The following TAFA5 variants were observed in gnomAD, a reference collection of about 807,000 sequenced individuals.
The protein encoded by TAFA5 is chemokine-like protein TAFA-5.
Under a neutral mutation model 15.3 loss-of-function variants are expected in TAFA5, and 6 were observed. That is an observed-to-expected ratio of 0.39 (90% CI 0.21 to 0.77). The LOEUF (loss-of-function observed/expected upper bound fraction) is 0.77. Among genes scored for constraint, TAFA5 ranks in the 30% least tolerant of loss-of-function variants. The probability of loss-of-function intolerance (pLI) is 0.41; values close to 1 mark genes in which losing one functional copy is unlikely to be tolerated. For missense variants in TAFA5, 161 were observed against 193.1 expected, an observed-to-expected ratio of 0.83 and a Z score of 0.98; for synonymous variants, 103 against 80.7, an observed-to-expected ratio of 1.28 and a Z score of -1.48.
intron 3 of TAFA5, among the ~76,000 whole-genome samples, chr22:48,739,716 G>A (rs1297134830): frequency 6.6e-6 from 1 of 152,174 alleles, no homozygotes; most frequent in African/African-American, 2.4e-5. Flanking sequence ...CAGATCTGGG[G>A]AGGAGCATGT....
At chr22:48,691,243 T>C (rs1417468957) in intron 2 of TAFA5, among the ~76,000 whole-genome samples, 7 of 152,146 alleles carry the variant, frequency 4.6e-5, no homozygotes, top group Non-Finnish European at 1.0e-4. Context: ...CCTTCCCTTG[T>C]TTGCCAAGTA....
chr22:48,751,142 A>G lies in TAFA5; in HGVS notation c.*1295A>G, dbSNP rs771173127. 2 of 152,302 alleles carry G rather than the reference A, an allele frequency of 1.3e-5. No individual in the cohort carries two copies. Among genetic ancestry groups the G allele is most frequent in the African/African-American group, 4.8e-5 (2 of 41,470 alleles). 9.4% of individuals were successfully genotyped at this position (152,302 alleles called of 1,614,324 possible). ...CCCTCTCTGGTCCCTGTATTGGTCA[A>G]CACTTGAGCGTACAATATCTTGAAC... On this transcript the variant is annotated 3_prime_UTR_variant, in exon 4 of 4. Coordinates refer to ENST00000402357, the MANE Select transcript of TAFA5 (RefSeq NM_001082967.3).
intron 2 of TAFA5, among the ~76,000 whole-genome samples, chr22:48,677,076 A>G (rs1224338086): frequency 1.3e-5 from 2 of 152,244 alleles, no homozygotes; most frequent in Non-Finnish European, 2.9e-5. Flanking sequence ...AGAGCCACCC[A>G]TATAAATCTG....
At chr22:48,492,865 C>T (rs1928204193) in intron 1 of TAFA5, among the ~76,000 whole-genome samples, 1 of 152,178 alleles carries the variant, frequency 6.6e-6, no homozygotes, top group Non-Finnish European at 1.5e-5. Flanking sequence ...CTGAGGAAAC[C>T]TCTCTGGGTG....
At chr22:48,644,254 A>C (rs1227590170) in intron 1 of TAFA5, among the ~76,000 whole-genome samples, 3 of 152,140 alleles carry the variant, frequency 2.0e-5, no homozygotes, top group African/African-American at 7.2e-5. Flanking sequence ...GGTTTTGCTC[A>C]TCGTGGGAGG....
At chr22:48,740,439 C>T (rs1004394840) in intron 3 of TAFA5, among the ~76,000 whole-genome samples, 1 of 152,222 alleles carries the variant, frequency 6.6e-6, no homozygotes, top group African/African-American at 2.4e-5. Flanking sequence ...TCTCTGGTTG[C>T]AAGGAATAGT....
intron 2 of TAFA5, among the ~76,000 whole-genome samples, chr22:48,705,542 C>T (rs959158951): frequency 6.6e-6 from 1 of 152,246 alleles, no homozygotes; most frequent in Non-Finnish European, 1.5e-5. Context: ...GGACCCTGTC[C>T]TCTGCTGCCC....
chr22:48,590,334 G>C (rs1378843814), intron 1 of TAFA5, among the ~76,000 whole-genome samples: 1 of 152,278 alleles, frequency 6.6e-6, no homozygotes, highest in Non-Finnish European at 1.5e-5. Flanking sequence ...TGGCCTGCAA[G>C]ATGGTTTTAT....
chr22:48,612,211 T>C (rs2147174492), intron 1 of TAFA5, among the ~76,000 whole-genome samples: 1 of 152,236 alleles, frequency 6.6e-6, no homozygotes, highest in African/African-American at 2.4e-5. Flanking sequence ...TGCTTTTCCA[T>C]TTGTAATCCT....
At chr22:48,693,842 C>T (rs1030075817) in intron 2 of TAFA5, among the ~76,000 whole-genome samples, 4 of 152,230 alleles carry the variant, frequency 2.6e-5, no homozygotes, top group African/African-American at 9.6e-5. Context: ...CACCTATACC[C>T]ATCTTACTGA....
Position 48,627,405 on chromosome 22 carries a change from G to A in TAFA5, c.113-19192G>A, listed in dbSNP as rs541732878. On this transcript the variant is annotated intron_variant, in intron 1 of 3. Transcript: ENST00000402357. Reference sequence around the variant, plus strand: ...ACAGGCGCCGAGGATGGAGAAATGCGTCAGCACCCAGAGGGCGCCGCGTGC... The same window carrying A: ...ACAGGCGCCGAGGATGGAGAAATGCATCAGCACCCAGAGGGCGCCGCGTGC... Among the ~76,000 whole-genome samples, 368 of 152,362 alleles carry A rather than the reference G, an allele frequency of 2.4e-3. 3 individuals carry two copies. Among genetic ancestry groups the A allele is most frequent in the African/African-American group, 8.4e-3 (349 of 41,580 alleles).
chr22:48,489,779 C>T lies in TAFA5; in HGVS notation c.112+75C>T. The T allele has an allele frequency of 1.1e-6, 1 of 932,450 alleles. No individual in the cohort carries two copies. The highest frequency in any genetic ancestry group is 3.7e-5 in the East Asian group (1 of 27,116). The allele number at this position is 932,450 out of a possible 1,614,324, so 57.8% of individuals were successfully genotyped here. On this transcript the variant is annotated intron_variant, in intron 1 of 3. Transcript: ENST00000402357. This position sits in a 1 kb window ranked among gnomAD's most constrained non-coding sequence, Gnocchi z 5.5. ...CCCCTCCTCCGGCCCCGGCAGGCGC[C>T]CCGCGGGCCTCCCGGAGTCGGCGCG...
intron 1 of TAFA5, among the ~76,000 whole-genome samples, chr22:48,629,524 C>T (rs749042821): frequency 6.6e-6 from 1 of 152,198 alleles, no homozygotes; most frequent in Non-Finnish European, 1.5e-5. Context: ...TGCCTAGAAA[C>T]GGTCTGAAAG....
At chr22:48,712,378 G>T (rs1396742733) in intron 3 of TAFA5, among the ~76,000 whole-genome samples, 1 of 152,200 alleles carries the variant, frequency 6.6e-6, no homozygotes, top group African/African-American at 2.4e-5. Context: ...TTTTGAAAGT[G>T]CAGGCCGTCA....
intron 3 of TAFA5, among the ~76,000 whole-genome samples, chr22:48,717,166 A>G (rs1193710465): frequency 1.3e-5 from 2 of 152,358 alleles, no homozygotes; most frequent in Non-Finnish European, 2.9e-5. Flanking sequence ...ACTCAGAGGG[A>G]AAAACCAGGT....
At position 48,667,370 on chromosome 22, in the gene TAFA5, A is replaced by T. The variant is rs1884343; in HGVS notation, c.262+20624A>T. On this transcript the variant is annotated intron_variant, in intron 2 of 3. Coordinates refer to ENST00000402357, the MANE Select transcript of TAFA5 (RefSeq NM_001082967.3). ...CAGGGCAGGAATCAGGAGGCAGACCAGGAGGAAGGGAGGAAAGATTGGAAA... is the reference window on the plus strand; with the variant it reads ...CAGGGCAGGAATCAGGAGGCAGACCTGGAGGAAGGGAGGAAAGATTGGAAA... Among the ~76,000 whole-genome samples the T allele has an allele frequency of 1.4e-4, 22 of 152,140 alleles. 1 individual carries two copies. The highest frequency in any genetic ancestry group is 5.1e-4 in the African/African-American group (21 of 41,428).
At chr22:48,542,403 GT>G (rs1922447485) in intron 1 of TAFA5, among the ~76,000 whole-genome samples, 2 of 103,902 alleles carry the variant, frequency 1.9e-5, no homozygotes, top group African/African-American at 4.1e-5. Context: ...GTGTGTGTGC[GT>G]GTGTGGCGTG....
chr22:48,746,633 A>G (rs1363818791), intron 3 of TAFA5, among the ~76,000 whole-genome samples: 2 of 152,176 alleles, frequency 1.3e-5, no homozygotes, highest in Non-Finnish European at 2.9e-5. Context: ...GAGTAAGTGG[A>G]TGTTCAGATA....
At chr22:48,620,241 C>A (rs1925754401) in intron 1 of TAFA5, among the ~76,000 whole-genome samples, 1 of 152,082 alleles carries the variant, frequency 6.6e-6, no homozygotes, top group Admixed American at 6.5e-5. Flanking sequence ...CCTCTCCCTC[C>A]ACAGGGCCTG....
Sources: allele counts gnomAD v4.1 joint callset (sites outside exome capture counted in the v4.1 genomes callset), GRCh38; gene constraint gnomAD v4.1.1; non-coding constraint Gnocchi (gnomAD v3.1); transcripts MANE v1.5; gene names NCBI Gene and HGNC (gene_info 2026-07-23, HGNC 2026-07-21).